FASN: variants seen among roughly 807,000 people sequenced by gnomAD.
FASN encodes the protein 3-hydroxyacyl-[acyl-carrier-protein] dehydratase.
A neutral mutation model predicts 250.0 loss-of-function variants in FASN; 50 were observed. The ratio of observed to expected loss-of-function variants is 0.20; its 90% CI spans 0.16 to 0.25. FASN has a LOEUF of 0.25. Among genes scored for constraint, FASN ranks in the 10% least tolerant of loss-of-function variants. The pLI, the probability that FASN is intolerant of heterozygous loss-of-function variation, is 1.00. For missense variants in FASN, 3,031 were observed against 3,498.5 expected (o/e 0.87, Z 3.37); for synonymous variants, 1,909 against 1,584.0 (o/e 1.21, Z -4.87).
At chr17:82,091,800 G>C (rs547354540) in intron 8 of FASN, 116 bp from the exon 9 acceptor site, 5 of 940,950 alleles carry the variant, frequency 5.3e-6, no homozygotes, top group Non-Finnish European at 6.2e-6. Flanking sequence ...GGCCCTCTCC[G>C]ATGCACTTCC....
chr17:82,096,453 C>T lies in FASN; in HGVS notation c.-7-1G>A. On this transcript the variant is annotated splice_acceptor_variant, in intron 1 of 42. Transcript: ENST00000306749. LOFTEE classifies it low-confidence loss of function (5UTR_SPLICE). ...AATCACCACCTCCTCCATGGCTGCT[C>T]TGCAGGGCGGGCGGTGTGAGTGCCC... 1 of 1,611,220 alleles carries T rather than the reference C, an allele frequency of 6.2e-7. No individual in the cohort carries two copies. Among genetic ancestry groups the T allele is most frequent in the Non-Finnish European group, 8.5e-7 (1 of 1,179,940 alleles).
At chr17:82,079,812 G>A (rs907972702) in intron 41 of FASN, 4 of 715,120 alleles carry the variant, frequency 5.6e-6, no homozygotes, top group African/African-American at 1.8e-5. Flanking sequence ...CCACCTACCC[G>A]GTTCAAGCGA....
In FASN at chr17:82,084,706, C is replaced by A; in HGVS notation, c.4575G>T (p.Glu1525Asp). 1 of 1,563,752 alleles carries A rather than the reference C, an allele frequency of 6.4e-7. No individual in the cohort carries two copies. The highest frequency in any genetic ancestry group is 1.2e-5 in the South Asian group (1 of 85,518). ...RHFLLEEDKP[E>D]EPTAHAFVST... ...TCACAAAGGCATGTGCCGTCGGCTC[C>A]TCAGGCTTGTCTAGGGAAACAGGGA... Residue 1525 changes from glutamate to aspartate, a missense_variant, in exon 27 of 43, where the codon GAG (glutamate) becomes GAT (aspartate). Glu to Asp is a conservative substitution (Grantham distance 45). Transcript: ENST00000306749.
rs769754679 is a variant in FASN, at chr17:82,083,038, G to A, written c.5643C>T (p.Cys1881=). The A allele has an allele frequency of 1.9e-6, 3 of 1,612,850 alleles. No homozygotes were observed. The highest frequency in any genetic ancestry group is 2.2e-5 in the East Asian group (1 of 44,880). Residue 1881 remains cysteine (C), a synonymous_variant, in exon 33 of 43, where the codon TGC becomes TGT. Transcript: ENST00000306749. ...KLMSAISKTF[C]PAHKSYIIAG... is the part of the protein sequence containing the mutation. ...CGATGATGTAGCTCTTGTGGGCCGG[G>A]CAGAAGGTCTTGGAGATGGCCGACA...
intron 22 of FASN, 35 bp downstream of exon 22, chr17:82,086,219 C>T (rs751307608): frequency 1.7e-5 from 26 of 1,539,160 alleles, no homozygotes; most frequent in South Asian, 4.7e-5. Flanking sequence ...CTACCATGTC[C>T]GGGGCAGAGG....
intron 20 of FASN, 35 bp from the exon 21 acceptor site, chr17:82,087,288 G>A (rs1413213324): frequency 6.2e-7 from 1 of 1,606,018 alleles, no homozygotes. Context: ...CGGCATACTT[G>A]GGTGGGGGCA....
In FASN at chr17:82,078,640, C is replaced by CA. The variant is rs1568102667; in HGVS notation, c.*502dup. On this transcript the variant is annotated 3_prime_UTR_variant, in exon 43 of 43. Transcript: ENST00000306749. The surrounding 1 kb of genome is among the most constrained non-coding windows in gnomAD (Gnocchi z 5.4). ...CCTCGGGGACTGGCCCACGACCCCC[C>CA]ACTCAGCGGGCTGAGCCAATGCCTG... 4.6e-6 allele frequency: 1 copy of CA among 217,400 alleles called. No homozygotes were observed. Among genetic ancestry groups the CA allele is most frequent in the African/African-American group, 2.3e-5 (1 of 42,798 alleles). 13.5% of individuals were successfully genotyped at this position (217,400 alleles called of 1,614,324 possible).
chr17:82,084,368 C>T lies in FASN; in HGVS notation c.4785G>A (p.Gln1595=). The T allele has an allele frequency of 6.2e-7, 1 of 1,607,172 alleles. No homozygotes were observed. Among genetic ancestry groups the T allele is most frequent in the Non-Finnish European group, 8.5e-7 (1 of 1,177,558 alleles). ...AGAACTCCATACCTAGCAGGCTGTC[C>T]TGGGAGGTCCACTTCCCTGGGGGAG... ...PDAIPGKWTS[Q]DSLLGMEFSG... is the part of the protein sequence containing the mutation. The change falls in exon 28 of 43, where the codon CAG becomes CAA. Residue 1595 remains glutamine (Q), a synonymous_variant. Transcript: ENST00000306749.
intron 15 of FASN, 94 bp from the exon 16 acceptor site, chr17:82,088,656 G>T (rs1302283886): frequency 1.4e-5 from 21 of 1,515,374 alleles, no homozygotes; most frequent in Middle Eastern, 2.1e-4. Flanking sequence ...ACCATCCAGG[G>T]CTGCTGCCAC....
In FASN at chr17:82,084,264, G is replaced by A. The variant is rs779327861; in HGVS notation, c.4889C>T (p.Pro1630Leu). 3.9e-5 allele frequency: 63 copies of A among 1,611,840 alleles called. No individual in the cohort carries two copies. The Middle Eastern group carries it at 2.3e-3, about 59-fold the overall frequency. ...GGAAGGCACATCCCAGAGGAAGTCC[G>A]GTGACAGCAGGACAGAGGTGGCCAG... is the stretch of plus-strand genomic sequence containing the variant. ...KGLATSVLLS[P>L]DFLWDVPSNW... Residue 1630 changes from proline (P) to leucine (L), a missense_variant, in exon 28 of 43, where the codon CCG becomes CTG. By Grantham distance (98) the Pro-to-Leu change is moderately conservative (BLOSUM62 -3). Coordinates refer to ENST00000306749, the MANE Select transcript of FASN (RefSeq NM_004104.5).
At chr17:82,091,747 G>T in intron 8 of FASN, 63 bp from the exon 9 acceptor site, 1 of 1,414,932 alleles carries the variant, frequency 7.1e-7, no homozygotes, top group Non-Finnish European at 9.5e-7. Context: ...TGAGCTGGGG[G>T]CAGGCACCTC....
chr17:82,081,987 G>A (rs756459174), intron 36 of FASN, 22 bp downstream of exon 36: 12 of 1,597,736 alleles, frequency 7.5e-6, no homozygotes, highest in South Asian at 3.3e-5. Context: ...GGGCAGGGTC[G>A]AGGGGAGAGG....
In FASN at chr17:82,095,303, G is replaced by T. The variant is rs775524924; in HGVS notation, c.280+17C>A. 6.2e-7 allele frequency: 1 copy of T among 1,612,400 alleles called. No individual in the cohort carries two copies. Among genetic ancestry groups the T allele is most frequent in the Admixed American group, 1.7e-5 (1 of 60,028 alleles). ...AGCAGGAGCCCTCGGCGCAGCAGTC[G>T]CGAATGCCCGACCCACCTCCGTCCA... On this transcript the variant is annotated intron_variant, in intron 3 of 42. Transcript: ENST00000306749.
intron 1 of FASN, chr17:82,096,988 G>A (rs1042746388): frequency 8.4e-6 from 2 of 237,648 alleles, no homozygotes; most frequent in Non-Finnish European, 1.7e-5. Context: ...CTAGAGGGGG[G>A]TACTCAGCAC....
chr17:82,089,589 A>T, intron 12 of FASN, 43 bp downstream of exon 12: 1 of 1,557,438 alleles, frequency 6.4e-7, no homozygotes, highest in Non-Finnish European at 8.7e-7. Flanking sequence ...TTGCAATGGC[A>T]GGCGCAGGGG....
At chr17:82,086,653 C>A in intron 21 of FASN, 95 bp from the exon 22 acceptor site, 1 of 924,560 alleles carries the variant, frequency 1.1e-6, no homozygotes, top group Non-Finnish European at 1.7e-6. Flanking sequence ...CTGGGGCCAC[C>A]ACCCCGCTCT....
In FASN at chr17:82,092,973, G is replaced by C. The variant is rs375801567; in HGVS notation, c.702C>G (p.Thr234=). The change falls in exon 6 of 43, where the codon ACC becomes ACG. Residue 234 remains threonine (T), a synonymous_variant. Coordinates refer to ENST00000306749, the MANE Select transcript of FASN (RefSeq NM_004104.5). The part of the protein sequence containing the change: ...RSEGVVAVLL[T]KKSLARRVYA... The stretch of plus-strand genomic sequence containing the variant: ...ACACCCGCCGGGCCAGGGACTTCTT[G>C]GTCAGCAGGACGGCCACCACACCCT... 2 of 1,612,162 alleles carry C rather than the reference G, an allele frequency of 1.2e-6. No homozygotes were observed. Among genetic ancestry groups the C allele is most frequent in the Non-Finnish European group, 1.7e-6 (2 of 1,179,778 alleles).
rs760590591 is a variant in FASN, at chr17:82,087,544, T to G, written c.3044-40A>C. On this transcript the variant is annotated intron_variant, in intron 19 of 42. Transcript: ENST00000306749. Reference sequence around the variant, plus strand: ...TGGTTGGTGCTGTGGAACTCCCAGGTCCCTGGGGCCACCTCCCAGAGCCCA... The same window carrying G: ...TGGTTGGTGCTGTGGAACTCCCAGGGCCCTGGGGCCACCTCCCAGAGCCCA... The G allele has an allele frequency of 3.1e-6, 5 of 1,609,000 alleles. No homozygotes were observed. In the South Asian group the frequency reaches 5.5e-5, roughly 18 times the overall value.
At position 82,084,906 on chromosome 17, in the gene FASN, A is replaced by G; in HGVS notation, c.4457T>C (p.Val1486Ala). ...NLSSTSHVPE[V>A]DPGSAELQKV... is the part of the protein sequence containing the mutation. ...CTGCAGTTCTGCGGAGCCCGGGTCC[A>G]CCTCCGGGACGTGGGAGGTGCTGCT... The change falls in exon 26 of 43, where the codon GTG becomes GCG. Residue 1486 changes from valine to alanine, a missense_variant. Transcript: ENST00000306749. 6.4e-7 allele frequency: 1 copy of G among 1,551,192 alleles called. No individual in the cohort carries two copies. Among genetic ancestry groups the G allele is most frequent in the Non-Finnish European group, 8.7e-7 (1 of 1,147,594 alleles).
Sources: gnomAD v4.1 joint callset for allele counts on GRCh38, gnomAD v4.1.1 for gene constraint, Gnocchi (gnomAD v3.1) non-coding constraint, MANE v1.5 for transcripts, NCBI Gene and HGNC (gene_info 2026-07-23, HGNC 2026-07-21) for gene names.